Variants in CAPN11 observed in about 807,000 individuals in gnomAD.
CAPN11 encodes calpain-11.
A neutral mutation model predicts 105.3 loss-of-function variants in CAPN11; 108 were observed. The observed-to-expected ratio is 1.03, with a 90% CI of 0.88 to 1.20. The LOEUF is 1.20. CAPN11 is among the 50% of genes most tolerant of loss of function. CAPN11 has a pLI of 0.00. For synonymous variants in CAPN11, 329 were observed against 344.5 expected (o/e 0.96, Z 0.50); for missense variants, 883 against 924.8 (o/e 0.95, Z 0.59).
chr6:44,169,957 A>G lies in CAPN11; in HGVS notation c.391A>G (p.Ile131Val), dbSNP rs185617031. The change falls in exon 4 of 23, where the codon ATC becomes GTC. Residue 131 changes from isoleucine to valine, a missense_variant. Transcript: ENST00000398776. ...FIMDGISPTD[I>V]CQGILGDCWL... ...CATGGATGGGATTTCTCCAACAGAC[A>G]TCTGCCAGGGGATCCTCGGTGAGTG... 9.9e-6 allele frequency: 16 copies of G among 1,611,844 alleles called. No individual in the cohort carries two copies. In the Admixed American group the frequency reaches 1.5e-4, roughly 15 times the overall value.
At chr6:44,177,205 G>GC (rs1352122455) in intron 11 of CAPN11, 37 bp from the exon 12 acceptor site, 3 of 1,546,424 alleles carry the variant, frequency 1.9e-6, no homozygotes, top group Middle Eastern at 1.9e-4. Context: ...GCCAAGGGAA[G>GC]CCCCCGTATA....
At chr6:44,180,417 C>A in intron 14 of CAPN11, 43 bp from the exon 15 acceptor site, 2 of 1,592,790 alleles carry the variant, frequency 1.3e-6, no homozygotes, top group Non-Finnish European at 1.7e-6. Flanking sequence ...ACCCCCACCT[C>A]CCTCCCCCTG....
intron 12 of CAPN11, chr6:44,177,727 T>C: frequency 3.7e-6 from 1 of 269,334 alleles, no homozygotes. Context: ...CCTCAGGTAA[T>C]CTGCCTGTCT....
At chr6:44,175,084 G>T (rs1771735971) in intron 7 of CAPN11, among the ~76,000 whole-genome samples, 1 of 152,174 alleles carries the variant, frequency 6.6e-6, no homozygotes, top group African/African-American at 2.4e-5. Context: ...GACAGTGGTG[G>T]TGGCTACATG....
At chr6:44,159,873 G>A (rs1768389277) in intron 1 of CAPN11, among the ~76,000 whole-genome samples, 1 of 151,824 alleles carries the variant, frequency 6.6e-6, no homozygotes, top group Non-Finnish European at 1.5e-5. Context: ...AGTGGTTCAC[G>A]CCTGTAATCC....
chr6:44,181,478 GAC>G (rs1561853961), intron 19 of CAPN11, among the ~76,000 whole-genome samples, 158 bp downstream of exon 19: 288 of 14,694 alleles, frequency 0.02, 17 homozygotes, highest in African/African-American at 0.041. Context: ...CTCACATACA[GAC>G]ACAACCACAC....
intron 2 of CAPN11, chr6:44,169,023 A>G (rs1416487905): frequency 3.8e-6 from 2 of 520,080 alleles, no homozygotes; most frequent in Non-Finnish European, 7.4e-6. Flanking sequence ...CTCGAACTCC[A>G]GGGCTCAGGT....
At chr6:44,179,786 G>T in intron 13 of CAPN11, 156 bp downstream of exon 13, 1 of 939,770 alleles carries the variant, frequency 1.1e-6, no homozygotes, top group Non-Finnish European at 1.7e-6. Flanking sequence ...GGTCGGGAAA[G>T]GAAGAGACCC....
chr6:44,158,958 G>GC, intron 1 of CAPN11, 94 bp downstream of exon 1: 1 of 857,600 alleles, frequency 1.2e-6, no homozygotes. Context: ...CAGACTGGGT[G>GC]CCCCTTGAGG....
rs758504799 is a variant in CAPN11 at position 44,169,422 on chromosome 6, G to C, written c.230G>C (p.Gly77Ala). Reference sequence around the variant, plus strand: ...CTGCGAGCAGCCTGTCTAAGAAAGGGGGAGCTCTTCGAGGACCCCTTATTC... The same window carrying C: ...CTGCGAGCAGCCTGTCTAAGAAAGGCGGAGCTCTTCGAGGACCCCTTATTC... Reference protein sequence around the residue: ...EELRAACLRKGELFEDPLFPA... With the variant: ...EELRAACLRKAELFEDPLFPA... Residue 77 changes from glycine to alanine, a missense_variant, in exon 3 of 23, where the codon GGG (glycine) becomes GCG (alanine). Physicochemically the swap from Gly to Ala is moderately conservative, Grantham distance 60 (BLOSUM62 0). Transcript: ENST00000398776. 6 of 1,613,768 alleles carry C rather than the reference G, an allele frequency of 3.7e-6. No homozygotes were observed. Among genetic ancestry groups the C allele is most frequent in the African/African-American group, 1.3e-5 (1 of 75,042 alleles).
chr6:44,168,921 T>C, intron 2 of CAPN11: 1 of 435,910 alleles, frequency 2.3e-6, no homozygotes, highest in Non-Finnish European at 4.7e-6. Flanking sequence ...ACACCCAGCC[T>C]ATTTATTTAT....
Position 44,169,475 on chromosome 6 carries a change from A to G in CAPN11, c.283A>G (p.Lys95Glu), listed in dbSNP as rs1243281555. 6.2e-7 allele frequency: 1 copy of G among 1,608,862 alleles called. No individual in the cohort carries two copies. Among genetic ancestry groups the G allele is most frequent in the Non-Finnish European group, 8.5e-7 (1 of 1,177,836 alleles). The change falls in exon 3 of 23, where the codon AAG becomes GAG. Residue 95 changes from lysine (K) to glutamate (E), a missense_variant. Physicochemically the swap from Lys to Glu is moderately conservative, Grantham distance 56. Coordinates refer to ENST00000398776, the MANE Select transcript of CAPN11 (RefSeq NM_007058.4). ...FPAEPSSLGF[K>E]DLGPNSKNVQ... is the part of the protein sequence containing the mutation. ...TGCTGAACCCAGCTCACTGGGCTTCAAGGACCTGGGCCCCAACTCCAAAAA... is the reference window on the plus strand; with the variant it reads ...TGCTGAACCCAGCTCACTGGGCTTCGAGGACCTGGGCCCCAACTCCAAAAA...
intron 1 of CAPN11, among the ~76,000 whole-genome samples, chr6:44,161,451 C>T (rs1477102766): frequency 6.6e-6 from 1 of 152,220 alleles, no homozygotes; most frequent in Non-Finnish European, 1.5e-5. Flanking sequence ...CCGCCCACCT[C>T]AGCCTCTCAA....
In CAPN11 at chr6:44,168,687, A is replaced by G. The variant is rs531510341; in HGVS notation, c.89-594A>G. On this transcript the variant is annotated intron_variant, in intron 2 of 22. Transcript: ENST00000398776. The stretch of plus-strand genomic sequence containing the variant: ...GGCCAGGCTGGAGTGCAGTGGCATG[A>G]TCTCAGCTCTGCACCTCCGCCTCCT... 2.0e-5 allele frequency among the ~76,000 whole-genome samples: 3 copies of G among 149,998 alleles called. No individual in the cohort carries two copies. The Admixed American group carries it at 2.0e-4, about 10-fold the overall frequency.
intron 1 of CAPN11, among the ~76,000 whole-genome samples, chr6:44,159,995 G>A (rs575221309): frequency 2.8e-4 from 43 of 152,174 alleles, no homozygotes; most frequent in African/African-American, 8.0e-4. Flanking sequence ...TTAGCCATGC[G>A]TGGTGGCGGG....
rs748475820 is a variant in CAPN11 at position 44,183,947 on chromosome 6, C to T, written c.*15C>T. On this transcript the variant is annotated 3_prime_UTR_variant, in exon 23 of 23. Transcript: ENST00000398776. ...TGTGGGGATAGAGGCGCTGTAGGAG[C>T]CTGGTCATCTCTACCAGCAGCAGCA... 8.4e-6 allele frequency: 13 copies of T among 1,553,188 alleles called. No homozygotes were observed. The South Asian group carries it at 1.5e-4, about 18-fold the overall frequency.
intron 1 of CAPN11, among the ~76,000 whole-genome samples, chr6:44,159,827 A>G (rs1299055984): frequency 6.6e-6 from 1 of 152,064 alleles, no homozygotes; most frequent in Non-Finnish European, 1.5e-5. Context: ...ATAACAATGT[A>G]TTGCATTTAG....
intron 1 of CAPN11, chr6:44,161,683 T>G (rs542176600): frequency 1.4e-5 from 6 of 425,322 alleles, no homozygotes; most frequent in Non-Finnish European, 2.9e-5. Context: ...CAGAGGGCTC[T>G]GGGGAAATGA....
At chr6:44,174,653 T>G (rs1016380871) in intron 7 of CAPN11, among the ~76,000 whole-genome samples, 10 of 127,584 alleles carry the variant, frequency 7.8e-5, no homozygotes, top group African/African-American at 3.0e-4. Context: ...AGAGTCTCAC[T>G]CTGTCACCCA....
Sources: gnomAD v4.1 joint callset for allele counts (sites outside exome capture counted in the v4.1 genomes callset) on GRCh38, gnomAD v4.1.1 for gene constraint, MANE v1.5 for transcripts, NCBI Gene and HGNC (gene_info 2026-07-23, HGNC 2026-07-21) for gene names.